PPARGC1A: variants seen among roughly 807,000 people sequenced by gnomAD.
PPARGC1A encodes PPARG coactivator 1 alpha.
Under a neutral mutation model 88.7 loss-of-function variants are expected in PPARGC1A, and 25 were observed. That is an observed-to-expected ratio of 0.28 (90% CI 0.21 to 0.39). The LOEUF (loss-of-function observed/expected upper bound fraction) is 0.39. Among genes scored for constraint, PPARGC1A ranks in the 10% least tolerant of loss-of-function variants. The pLI is 1.00. For synonymous variants in PPARGC1A, 363 were observed against 355.6 expected, an observed-to-expected ratio of 1.02 and a Z score of -0.24; for missense variants, 880 against 968.7, an observed-to-expected ratio of 0.91 and a Z score of 1.22.
chr4:24,246,062 C>G, the PPARGC1A span, among the ~76,000 whole-genome samples: 1 of 151,990 alleles, frequency 6.6e-6, no homozygotes, highest in East Asian at 1.9e-4. Context: ...TTAAATAATG[C>G]TTGTTTTTCT....
At chr4:24,025,032 A>T in the PPARGC1A span, among the ~76,000 whole-genome samples, 1 of 152,234 alleles carries the variant, frequency 6.6e-6, no homozygotes, top group Admixed American at 6.5e-5. Context: ...ACTCCTTCTG[A>T]CAAGTGAGCT....
the PPARGC1A span, among the ~76,000 whole-genome samples, chr4:24,099,261 T>G: frequency 6.9e-6 from 1 of 145,672 alleles, no homozygotes; most frequent in Non-Finnish European, 1.5e-5. Context: ...AGCTGGAAAC[T>G]TCTTCCCCTC....
the PPARGC1A span, among the ~76,000 whole-genome samples, chr4:24,248,155 C>T: frequency 2.0e-5 from 3 of 152,092 alleles, no homozygotes; most frequent in Admixed American, 6.5e-5. Flanking sequence ...AATGGAGTCT[C>T]GCTCTGTCGC....
At chr4:24,287,080 G>A in the PPARGC1A span, among the ~76,000 whole-genome samples, 6 of 151,874 alleles carry the variant, frequency 4.0e-5, no homozygotes, top group African/African-American at 1.2e-4. Context: ...CGGTACCACC[G>A]ACATTCATTT....
the PPARGC1A span, among the ~76,000 whole-genome samples, chr4:24,247,403 G>C: frequency 2.0e-5 from 3 of 151,712 alleles, no homozygotes; most frequent in African/African-American, 7.3e-5. Flanking sequence ...ATAAAACTCC[G>C]TTTACTTCCG....
At chr4:24,067,343 GAGTT>G in the PPARGC1A span, among the ~76,000 whole-genome samples, 75 of 152,270 alleles carry the variant, frequency 4.9e-4, no homozygotes, top group African/African-American at 1.8e-3. Context: ...GTAATAGACA[GAGTT>G]AGCTTTAAAT....
chr4:23,824,651 G>C (rs1181101627), intron 5 of PPARGC1A, 143 bp from the exon 6 acceptor site: 1 of 754,312 alleles, frequency 1.3e-6, no homozygotes, highest in Non-Finnish European at 2.1e-6. Flanking sequence ...ATCAAAGTCA[G>C]ACAAAAGTCC....
the PPARGC1A span, among the ~76,000 whole-genome samples, chr4:24,244,342 G>A: frequency 2.2e-4 from 33 of 152,190 alleles, no homozygotes; most frequent in Middle Eastern, 3.4e-3. Flanking sequence ...TCTTATGGTC[G>A]GATTGTCAAT....
At position 23,795,269 on chromosome 4, in the gene PPARGC1A, T is replaced by G. The variant is rs926676525; in HGVS notation, c.*553A>C. On this transcript the variant is annotated 3_prime_UTR_variant, in exon 13 of 13. Coordinates refer to ENST00000264867, the MANE Select transcript of PPARGC1A (RefSeq NM_013261.5). Reference sequence around the variant, plus strand: ...GGTTGGTTGGTTGGTTGGTTGGTTGTTAGTTTTCTTTCCTTTTTAATTTAT... The same window carrying G: ...GGTTGGTTGGTTGGTTGGTTGGTTGGTAGTTTTCTTTCCTTTTTAATTTAT... 6 of 145,250 alleles carry G rather than the reference T, an allele frequency of 4.1e-5. No homozygotes were observed. Among genetic ancestry groups the G allele is most frequent in the Non-Finnish European group, 7.5e-5 (5 of 66,576 alleles). The allele number at this position is 145,250 out of a possible 1,614,324, so 9.0% of individuals were successfully genotyped here. A position where few individuals can be genotyped will look rare whatever the true frequency, so the allele number is the denominator to read the frequency against.
At chr4:23,949,393 T>C in the PPARGC1A span, among the ~76,000 whole-genome samples, 6 of 152,132 alleles carry the variant, frequency 3.9e-5, no homozygotes, top group Non-Finnish European at 7.4e-5. Context: ...CTAAATTACG[T>C]ACAGGTAGCG....
chr4:24,322,107 G>A, the PPARGC1A span, among the ~76,000 whole-genome samples: 1 of 152,140 alleles, frequency 6.6e-6, no homozygotes, highest in Non-Finnish European at 1.5e-5. Context: ...TGTAGAATTC[G>A]TTACCCACCG....
At chr4:24,449,367 G>A in the PPARGC1A span, among the ~76,000 whole-genome samples, 1 of 152,256 alleles carries the variant, frequency 6.6e-6, no homozygotes, top group East Asian at 1.9e-4. Context: ...ATAGGAAACT[G>A]TTGGTCCTAT....
chr4:23,909,678 T>C, the PPARGC1A span, among the ~76,000 whole-genome samples: 1 of 151,858 alleles, frequency 6.6e-6, no homozygotes, highest in African/African-American at 2.4e-5. Context: ...AACCAGGCTG[T>C]GACACTTCCT....
chr4:23,955,926 G>A, the PPARGC1A span, among the ~76,000 whole-genome samples: 1 of 152,042 alleles, frequency 6.6e-6, no homozygotes, highest in Non-Finnish European at 1.5e-5. Flanking sequence ...TAAAGAGCCA[G>A]ATTGCAAATT....
the PPARGC1A span, among the ~76,000 whole-genome samples, chr4:23,991,267 A>T: frequency 2.0e-5 from 3 of 152,236 alleles, no homozygotes; most frequent in African/African-American, 7.2e-5. Context: ...TGAAAGTTCT[A>T]TGAAATGAGG....
At chr4:23,852,163 A>T (rs924273422) in intron 2 of PPARGC1A, among the ~76,000 whole-genome samples, 3 of 152,176 alleles carry the variant, frequency 2.0e-5, no homozygotes, top group Non-Finnish European at 2.9e-5. Context: ...ATGTAGAATT[A>T]TTTCATTCTT....
At chr4:24,161,420 T>C in the PPARGC1A span, among the ~76,000 whole-genome samples, 1 of 152,074 alleles carries the variant, frequency 6.6e-6, no homozygotes, top group Middle Eastern at 3.2e-3. Flanking sequence ...CAGATTTGGA[T>C]TCAGATACCA....
the PPARGC1A span, among the ~76,000 whole-genome samples, chr4:24,249,532 G>A: frequency 6.6e-6 from 1 of 152,124 alleles, no homozygotes. Context: ...TCAGGGTCTC[G>A]CGCCATGAAG....
chr4:24,152,423 T>C, the PPARGC1A span, among the ~76,000 whole-genome samples: 4 of 152,136 alleles, frequency 2.6e-5, no homozygotes, highest in Non-Finnish European at 5.9e-5. Flanking sequence ...GAGAAAGTGT[T>C]CCTTTTTACA....
Sources: allele counts gnomAD v4.1 joint callset (sites outside exome capture counted in the v4.1 genomes callset), GRCh38; gene constraint gnomAD v4.1.1; transcripts MANE v1.5; gene names NCBI Gene and HGNC (gene_info 2026-07-23, HGNC 2026-07-21).